ZSWIM6: variants seen among roughly 807,000 people sequenced by gnomAD.
The protein encoded by ZSWIM6 is zinc finger SWIM domain-containing protein 6.
A neutral mutation model predicts 113.2 loss-of-function variants in ZSWIM6; 9 were observed. The observed-to-expected ratio is 0.08, with a 90% confidence interval of 0.05 to 0.14. ZSWIM6 has a LOEUF of 0.14. Among genes scored for constraint, ZSWIM6 ranks in the 10% least tolerant of loss-of-function variants. The pLI, the probability that ZSWIM6 is intolerant of heterozygous loss-of-function variation, is 1.00. For missense variants in ZSWIM6, 1,162 were observed against 1,552.2 expected (o/e 0.75, Z 4.22); for synonymous variants, 611 against 606.5 (o/e 1.01, Z -0.11).
intron 1 of ZSWIM6, among the ~76,000 whole-genome samples, chr5:61,356,710 AAT>A (rs1160855790): frequency 4.1e-5 from 5 of 121,012 alleles, no homozygotes; most frequent in African/African-American, 1.2e-4. Flanking sequence ...TTATATATAT[AAT>A]ATATATAACA....
intron 9 of ZSWIM6, among the ~76,000 whole-genome samples, chr5:61,532,709 C>A (rs1227646523): frequency 3.9e-5 from 6 of 152,154 alleles, no homozygotes; most frequent in African/African-American, 1.4e-4. Context: ...GGTAAACCTT[C>A]TTAATAGCAT....
intron 1 of ZSWIM6, among the ~76,000 whole-genome samples, chr5:61,369,300 G>A (rs1745219054): frequency 6.6e-6 from 1 of 152,192 alleles, no homozygotes; most frequent in African/African-American, 2.4e-5. Context: ...TGATCTTTGA[G>A]CATAGGTCAG....
chr5:61,484,840 A>G (rs1201794050), intron 2 of ZSWIM6, among the ~76,000 whole-genome samples: 2 of 152,134 alleles, frequency 1.3e-5, no homozygotes, highest in African/African-American at 4.8e-5. Context: ...ATCCTGGAGT[A>G]TGTTCATCGG....
At chr5:61,412,966 A>AT (rs70977844) in intron 1 of ZSWIM6, among the ~76,000 whole-genome samples, 55 of 147,398 alleles carry the variant, frequency 3.7e-4, no homozygotes, top group African/African-American at 9.4e-4. Context: ...GAAATTAGAG[A>AT]TTTTTTTTTT....
At chr5:61,350,011 A>G (rs574944253) in intron 1 of ZSWIM6, among the ~76,000 whole-genome samples, 116 of 152,332 alleles carry the variant, frequency 7.6e-4, no homozygotes, top group Middle Eastern at 3.4e-3. Context: ...CAAAATGCTG[A>G]TGACTTTCTC....
chr5:61,531,629 C>A lies in ZSWIM6; in HGVS notation c.2149C>A (p.Arg717=). Residue 717 remains arginine, a synonymous_variant, in exon 9 of 14, where the codon CGG becomes AGG. Transcript: ENST00000252744. ...GCTGTACACACAAGAGAAAGTTTGCCGGAATGAGGAGCAGCTCATTTCTAA... is the reference window on the plus strand; with the variant it reads ...GCTGTACACACAAGAGAAAGTTTGCAGGAATGAGGAGCAGCTCATTTCTAA... The part of the protein sequence containing the change: ...DGLYTQEKVC[R]NEEQLISKLQ... The A allele has an allele frequency of 3.9e-6, 6 of 1,551,612 alleles. No individual in the cohort carries two copies. Among genetic ancestry groups the A allele is most frequent in the Non-Finnish European group, 5.2e-6 (6 of 1,146,960 alleles).
intron 2 of ZSWIM6, among the ~76,000 whole-genome samples, chr5:61,484,567 T>C (rs1747964824): frequency 6.6e-6 from 1 of 152,212 alleles, no homozygotes; most frequent in South Asian, 2.1e-4. Flanking sequence ...AAAGAATCTA[T>C]AGGTATTTTG....
chr5:61,436,170 C>G (rs1043763798), intron 1 of ZSWIM6, among the ~76,000 whole-genome samples: 1 of 147,674 alleles, frequency 6.8e-6, no homozygotes, highest in Admixed American at 6.9e-5. Flanking sequence ...CATTGCACTT[C>G]AGCTTGGGCA....
chr5:61,460,842 C>T (rs926551906), intron 1 of ZSWIM6, among the ~76,000 whole-genome samples: 16 of 151,516 alleles, frequency 1.1e-4, no homozygotes, highest in Non-Finnish European at 1.6e-4. Flanking sequence ...GGTTTCATTC[C>T]GTTTTTTAAT....
At chr5:61,517,768 T>A (rs879458805) in intron 4 of ZSWIM6, among the ~76,000 whole-genome samples, 44 of 150,434 alleles carry the variant, frequency 2.9e-4, no homozygotes, top group African/African-American at 6.3e-4. Context: ...GATTTTTTTT[T>A]AATTATTTAA....
At chr5:61,524,387 A>G (rs957321752) in intron 5 of ZSWIM6, among the ~76,000 whole-genome samples, 5 of 152,284 alleles carry the variant, frequency 3.3e-5, no homozygotes, top group Middle Eastern at 3.4e-3. Flanking sequence ...ATGCATTTTG[A>G]TATGTCTACC....
chr5:61,452,329 T>G (rs564180087), intron 1 of ZSWIM6, among the ~76,000 whole-genome samples: 170 of 152,350 alleles, frequency 1.1e-3, no homozygotes, highest in African/African-American at 3.9e-3. Flanking sequence ...AATCTGCTGC[T>G]GGTGGATATT....
intron 2 of ZSWIM6, among the ~76,000 whole-genome samples, chr5:61,482,984 C>A (rs11747564): frequency 0.38 from 57,070 of 151,252 alleles, 10,891 homozygotes; most frequent in South Asian, 0.43. Flanking sequence ...TAGCTTACCC[C>A]AAAAAAATAA....
At chr5:61,441,130 T>G (rs1421136756) in intron 1 of ZSWIM6, among the ~76,000 whole-genome samples, 1 of 152,202 alleles carries the variant, frequency 6.6e-6, no homozygotes, top group Non-Finnish European at 1.5e-5. Flanking sequence ...AGATTTATAT[T>G]GTTCATCTAG....
At chr5:61,360,706 C>T (rs1745016448) in intron 1 of ZSWIM6, among the ~76,000 whole-genome samples, 1 of 152,118 alleles carries the variant, frequency 6.6e-6, no homozygotes, top group Non-Finnish European at 1.5e-5. Context: ...TTACCCTCAC[C>T]TTTGGAATAT....
chr5:61,368,431 A>G (rs1019563605), intron 1 of ZSWIM6, among the ~76,000 whole-genome samples: 2 of 152,228 alleles, frequency 1.3e-5, no homozygotes, highest in African/African-American at 4.8e-5. Flanking sequence ...ATGCAAAATA[A>G]TTGGCATAGT....
rs984086795 is a variant in ZSWIM6 at position 61,452,205 on chromosome 5, C to G, written c.677-20476C>G. 5.9e-5 allele frequency among the ~76,000 whole-genome samples: 9 copies of G among 152,102 alleles called. 1 individual carries two copies. In the East Asian group the frequency reaches 1.5e-3, roughly 26 times the overall value. On this transcript the variant is annotated intron_variant, in intron 1 of 13. Coordinates refer to ENST00000252744, the MANE Select transcript of ZSWIM6 (RefSeq NM_020928.2). ...ATATACTGTAACCTCCTACTTTTTT[C>G]TAGTTTTTCCCCTTAAAAATACTAT...
intron 3 of ZSWIM6, among the ~76,000 whole-genome samples, chr5:61,492,562 A>G (rs1052339659): frequency 6.6e-6 from 1 of 152,146 alleles, no homozygotes. Flanking sequence ...TGAAAATTAA[A>G]TAGTAAGTAT....
chr5:61,425,966 T>A lies in ZSWIM6; in HGVS notation c.677-46715T>A, dbSNP rs1411331507. On this transcript the variant is annotated intron_variant, in intron 1 of 13. Transcript: ENST00000252744. ...ACTGGATTTCTTAAATAACGGGGAGTGATGTGAGCAGGATAGCTATCTTTC... is the reference window on the plus strand; with the variant it reads ...ACTGGATTTCTTAAATAACGGGGAGAGATGTGAGCAGGATAGCTATCTTTC... 2.0e-5 allele frequency among the ~76,000 whole-genome samples: 3 copies of A among 152,186 alleles called. No individual in the cohort carries two copies. In the East Asian group the frequency reaches 5.8e-4, roughly 29 times the overall value.
Sources: gnomAD v4.1 joint callset for allele counts (sites outside exome capture counted in the v4.1 genomes callset) on GRCh38, gnomAD v4.1.1 for gene constraint, MANE v1.5 for transcripts, NCBI Gene and HGNC (gene_info 2026-07-23, HGNC 2026-07-21) for gene names.